TMEM232: variants seen among roughly 807,000 people sequenced by gnomAD.
The protein encoded by TMEM232 is transmembrane protein 232.
Under a neutral mutation model 78.8 loss-of-function variants are expected in TMEM232, and 80 were observed. The observed-to-expected ratio is 1.01, with a 90% CI of 0.85 to 1.22. TMEM232 has a LOEUF of 1.22. Ranked by LOEUF, TMEM232 falls within the 50% of genes most tolerant of loss-of-function variation. TMEM232 has a pLI of 0.00. For synonymous variants in TMEM232, 297 were observed against 254.3 expected (o/e 1.17, Z -1.60); for missense variants, 881 against 742.2 (o/e 1.19, Z -2.17).
intron 12 of TMEM232, among the ~76,000 whole-genome samples, chr5:110,523,864 G>A (rs1390597105): frequency 6.6e-6 from 1 of 150,806 alleles, no homozygotes; most frequent in Admixed American, 6.6e-5. Context: ...AGGAGGTTGA[G>A]GTGGGAATAT....
At chr5:110,693,495 C>A (rs936544811) in intron 1 of TMEM232, among the ~76,000 whole-genome samples, 1 of 152,126 alleles carries the variant, frequency 6.6e-6, no homozygotes, top group Non-Finnish European at 1.5e-5. Context: ...TTCAGAAGAT[C>A]AAACTACTCT....
chr5:110,696,338 C>A (rs918124538), intron 1 of TMEM232, among the ~76,000 whole-genome samples: 8 of 152,128 alleles, frequency 5.3e-5, no homozygotes, highest in African/African-American at 1.4e-4. Flanking sequence ...AAACCCACAG[C>A]CAATATCATA....
chr5:110,405,624 T>C (rs1755760674), intron 2 of TMEM232, among the ~76,000 whole-genome samples: 1 of 151,240 alleles, frequency 6.6e-6, no homozygotes. Flanking sequence ...AATTATAATA[T>C]TTGAAAATAA....
At chr5:110,577,093 A>G (rs1561721268) in intron 10 of TMEM232, among the ~76,000 whole-genome samples, 1 of 152,056 alleles carries the variant, frequency 6.6e-6, no homozygotes, top group Admixed American at 6.6e-5. Flanking sequence ...AGAGTAGACA[A>G]TCTTGGGAAT....
chr5:110,501,896 T>C (rs1484892392), intron 12 of TMEM232, among the ~76,000 whole-genome samples: 4 of 152,134 alleles, frequency 2.6e-5, no homozygotes, highest in African/African-American at 9.7e-5. Flanking sequence ...TCTAATCTTG[T>C]AGGGAAGTGA....
chr5:110,586,559 C>T (rs1282861103), intron 10 of TMEM232, among the ~76,000 whole-genome samples: 4 of 138,628 alleles, frequency 2.9e-5, no homozygotes, highest in Non-Finnish European at 4.5e-5. Context: ...TATTTCCATA[C>T]ACACCCTTTC....
rs1243634998 is a variant in TMEM232 at position 110,424,897 on chromosome 5, C to T, written c.1723G>A (p.Glu575Lys). Residue 575 changes from glutamate to lysine, a missense_variant, in exon 13 of 14, where the codon GAA becomes AAA. Transcript: ENST00000455884. The part of the protein sequence containing the change: ...FTVREHPSVS[E>K]IPMFPYPDFF... ...TCTGGATATGGAAACATGGGAATTT[C>T]TGATACAGAAGGATGTTCCCTTCAA... The T allele has an allele frequency of 1.3e-6, 2 of 1,549,984 alleles. No individual in the cohort carries two copies. The highest frequency in any genetic ancestry group is 3.9e-5 in the Admixed American group (2 of 50,860).
At chr5:110,667,446 G>A (rs1790740053) in intron 1 of TMEM232, 82 bp from the exon 2 acceptor site, 13 of 1,143,682 alleles carry the variant, frequency 1.1e-5, no homozygotes, top group African/African-American at 4.9e-5. Flanking sequence ...CATTATTTTT[G>A]GAAAAGAATA....
At chr5:110,662,273 C>T (rs1238956161) in intron 2 of TMEM232, among the ~76,000 whole-genome samples, 2 of 151,924 alleles carry the variant, frequency 1.3e-5, no homozygotes, top group African/African-American at 4.8e-5. Context: ...ATAAATCTAA[C>T]AATGCCTCTG....
intron 12 of TMEM232, among the ~76,000 whole-genome samples, chr5:110,486,221 C>T (rs1441032340): frequency 6.6e-6 from 1 of 151,492 alleles, no homozygotes; most frequent in Non-Finnish European, 1.5e-5. Flanking sequence ...GATATTAGTC[C>T]TTTGTCAGAT....
At chr5:110,637,566 CAT>C in intron 5 of TMEM232, among the ~76,000 whole-genome samples, 1 of 150,528 alleles carries the variant, frequency 6.6e-6, no homozygotes, top group South Asian at 2.1e-4. Flanking sequence ...TATATATGAA[CAT>C]ATATGTGTAT....
intron 11 of TMEM232, among the ~76,000 whole-genome samples, chr5:110,533,287 A>G (rs1392534334): frequency 1.3e-5 from 2 of 152,112 alleles, no homozygotes; most frequent in African/African-American, 2.4e-5. Flanking sequence ...AATTCTCATA[A>G]AAGCACACAT....
chr5:110,424,952 T>G (rs1201762511), intron 12 of TMEM232, 36 bp from the exon 13 acceptor site: 1 of 1,393,960 alleles, frequency 7.2e-7, no homozygotes, highest in Admixed American at 2.2e-5. Context: ...CAACATTAGG[T>G]ATAGGTACTC....
chr5:110,692,349 T>C (rs896055298), intron 1 of TMEM232, among the ~76,000 whole-genome samples: 2 of 152,200 alleles, frequency 1.3e-5, no homozygotes, highest in East Asian at 3.9e-4. Flanking sequence ...TAGCAGCAGC[T>C]CCAGTCTACA....
chr5:110,423,637 G>C (rs1756912452), intron 13 of TMEM232, among the ~76,000 whole-genome samples: 1 of 152,098 alleles, frequency 6.6e-6, no homozygotes, highest in African/African-American at 2.4e-5. Flanking sequence ...TCATGGCAGT[G>C]ATTACTTGGA....
chr5:110,581,328 A>G lies in TMEM232; in HGVS notation c.1277-12703T>C, dbSNP rs145571794. ...TAGTACAAAAACAGACACACAGATCAGTGGAACAGTATAGAGAACCGAGAA... is the reference window on the plus strand; with the variant it reads ...TAGTACAAAAACAGACACACAGATCGGTGGAACAGTATAGAGAACCGAGAA... On this transcript the variant is annotated intron_variant, in intron 10 of 13. Transcript: ENST00000455884. Among the ~76,000 whole-genome samples the G allele has an allele frequency of 9.7e-3, 1,469 of 152,088 alleles. 35 individuals are homozygous for G. The highest frequency in any genetic ancestry group is 0.033 in the African/African-American group (1,371 of 41,536).
intron 2 of TMEM232, among the ~76,000 whole-genome samples, chr5:110,406,265 TAC>T (rs70999966): frequency 0.1 from 14,846 of 143,522 alleles, 1,057 homozygotes; most frequent in East Asian, 0.22. Context: ...CAGATATATA[TAC>T]ACACACACAC....
At chr5:110,439,093 T>C (rs955244738) in intron 12 of TMEM232, among the ~76,000 whole-genome samples, 3 of 152,140 alleles carry the variant, frequency 2.0e-5, no homozygotes, top group Non-Finnish European at 4.4e-5. Flanking sequence ...GTTCAAACAT[T>C]AGATTTACTG....
chr5:110,393,579 A>G (rs1479365112), intron 3 of TMEM232, among the ~76,000 whole-genome samples: 1 of 152,178 alleles, frequency 6.6e-6, no homozygotes, highest in Non-Finnish European at 1.5e-5. Flanking sequence ...TTTTAATCCA[A>G]TACAACTTTT....
Sources: allele counts gnomAD v4.1 joint callset (sites outside exome capture counted in the v4.1 genomes callset), GRCh38; gene constraint gnomAD v4.1.1; transcripts MANE v1.5; gene names NCBI Gene and HGNC (gene_info 2026-07-23, HGNC 2026-07-21).